PDZRN4: variants seen among roughly 807,000 people sequenced by gnomAD.
PDZRN4 encodes the protein PDZ domain containing ring finger 4.
In PDZRN4, 70 loss-of-function variants were observed where a neutral mutation model predicts 99.0. That is an observed-to-expected ratio of 0.71 (90% CI 0.58 to 0.86). The LOEUF (loss-of-function observed/expected upper bound fraction) is 0.86, where lower values mean the gene tolerates loss of function less well. Among genes scored for constraint, PDZRN4 ranks in the 40% least tolerant of loss-of-function variants. The probability of loss-of-function intolerance (pLI) is 0.00; values close to 1 mark genes in which losing one functional copy is unlikely to be tolerated. For synonymous variants in PDZRN4, 551 were observed against 501.6 expected, an observed-to-expected ratio of 1.10 and a Z score of -1.32; for missense variants, 1,474 against 1,331.2, an observed-to-expected ratio of 1.11 and a Z score of -1.67.
intron 3 of PDZRN4, among the ~76,000 whole-genome samples, chr12:41,287,770 G>T (rs1373548729): frequency 6.6e-6 from 1 of 152,140 alleles, no homozygotes; most frequent in African/African-American, 2.4e-5. Context: ...CTGCAGTTTG[G>T]ACAGAAGCCT....
chr12:41,555,052 C>A (rs986806621), intron 6 of PDZRN4, among the ~76,000 whole-genome samples: 33 of 113,510 alleles, frequency 2.9e-4, no homozygotes, highest in South Asian at 8.7e-4. Flanking sequence ...ACTAAAAATA[C>A]AAAAAAAAAA....
chr12:41,412,716 A>G (rs1952409222), intron 3 of PDZRN4, among the ~76,000 whole-genome samples: 1 of 152,204 alleles, frequency 6.6e-6, no homozygotes, highest in African/African-American at 2.4e-5. Context: ...ATTGATTTAA[A>G]TAAAAACTGC....
intron 3 of PDZRN4, among the ~76,000 whole-genome samples, chr12:41,342,711 A>T (rs1918236): frequency 0.36 from 54,569 of 151,734 alleles, 9,915 homozygotes; most frequent in South Asian, 0.41. Context: ...AAGAAAATAT[A>T]TATTGGCAAA....
intron 3 of PDZRN4, among the ~76,000 whole-genome samples, chr12:41,298,009 T>C (rs73122848): frequency 0.058 from 8,845 of 152,200 alleles, 286 homozygotes; most frequent in Non-Finnish European, 0.063. Context: ...CAAAGTAAAT[T>C]TGTAACTGTT....
At chr12:41,525,607 C>A (rs984369016) in intron 5 of PDZRN4, among the ~76,000 whole-genome samples, 2 of 151,974 alleles carry the variant, frequency 1.3e-5, no homozygotes, top group African/African-American at 4.8e-5. Context: ...TAGGTATAGA[C>A]AGATCTACGT....
chr12:41,261,672 G>A (rs1423146514), intron 3 of PDZRN4, among the ~76,000 whole-genome samples: 1 of 152,116 alleles, frequency 6.6e-6, no homozygotes, highest in Non-Finnish European at 1.5e-5. Context: ...TGTATTTTTA[G>A]TAGAGACAGG....
intron 3 of PDZRN4, among the ~76,000 whole-genome samples, chr12:41,370,894 C>A (rs74978639): frequency 6.6e-6 from 1 of 151,012 alleles, no homozygotes; most frequent in Non-Finnish European, 1.5e-5. Context: ...TTATTTTTTA[C>A]GTTATTCTGC....
intron 3 of PDZRN4, among the ~76,000 whole-genome samples, chr12:41,210,109 A>C (rs964259485): frequency 6.6e-6 from 1 of 151,920 alleles, no homozygotes. Flanking sequence ...GATGATGAGC[A>C]TTTTTTCATG....
chr12:41,524,794 T>C (rs1275081582), intron 5 of PDZRN4, among the ~76,000 whole-genome samples: 1 of 152,158 alleles, frequency 6.6e-6, no homozygotes, highest in Non-Finnish European at 1.5e-5. Context: ...TTTTGGCGAA[T>C]ACACTGTCAA....
At chr12:41,256,355 C>A (rs1454274864) in intron 3 of PDZRN4, among the ~76,000 whole-genome samples, 4 of 151,840 alleles carry the variant, frequency 2.6e-5, no homozygotes, top group African/African-American at 9.7e-5. Flanking sequence ...ATTGTTTGCT[C>A]ATTGAAAAAA....
intron 3 of PDZRN4, among the ~76,000 whole-genome samples, chr12:41,385,032 C>T (rs1333331575): frequency 6.6e-6 from 1 of 152,198 alleles, no homozygotes; most frequent in Non-Finnish European, 1.5e-5. Flanking sequence ...AACCACTTAG[C>T]ACCTACTTGA....
intron 3 of PDZRN4, among the ~76,000 whole-genome samples, chr12:41,299,696 CTAT>C (rs1951520949): frequency 7.3e-6 from 1 of 136,174 alleles, no homozygotes; most frequent in Non-Finnish European, 1.6e-5. Flanking sequence ...AATAATCCTA[CTAT>C]GTTTTTACTT....
At chr12:41,567,680 T>A in intron 8 of PDZRN4, 103 bp from the exon 9 acceptor site, 1 of 528,692 alleles carries the variant, frequency 1.9e-6, no homozygotes. Context: ...AAGAGAATCA[T>A]TATGATAAAA....
At chr12:41,256,319 G>A (rs1023505119) in intron 3 of PDZRN4, among the ~76,000 whole-genome samples, 7 of 151,982 alleles carry the variant, frequency 4.6e-5, no homozygotes, top group Non-Finnish European at 8.8e-5. Context: ...TGATGATGTT[G>A]TATAATGTAA....
intron 3 of PDZRN4, among the ~76,000 whole-genome samples, chr12:41,236,618 T>G (rs182790725): frequency 6.6e-6 from 1 of 152,236 alleles, no homozygotes; most frequent in Admixed American, 6.5e-5. Context: ...TAATGAGGAC[T>G]TGAATGGGTG....
At chr12:41,373,432 C>T (rs1952058038) in intron 3 of PDZRN4, among the ~76,000 whole-genome samples, 1 of 152,044 alleles carries the variant, frequency 6.6e-6, no homozygotes. Context: ...TTTCAGAGGC[C>T]TACCCTCAGG....
At chr12:41,553,508 G>T (rs1484434830) in intron 6 of PDZRN4, among the ~76,000 whole-genome samples, 2 of 145,630 alleles carry the variant, frequency 1.4e-5, no homozygotes, top group Non-Finnish European at 3.0e-5. Flanking sequence ...CTATGGCCAG[G>T]AGTTTGACTC....
At chr12:41,557,173 A>G (rs1328398522) in intron 7 of PDZRN4, among the ~76,000 whole-genome samples, 1 of 148,998 alleles carries the variant, frequency 6.7e-6, no homozygotes, top group African/African-American at 2.5e-5. Context: ...AAAAAAAAAA[A>G]GAATGGCTGC....
At chr12:41,325,839 A>C (rs945782111) in intron 3 of PDZRN4, among the ~76,000 whole-genome samples, 1 of 152,222 alleles carries the variant, frequency 6.6e-6, no homozygotes. Flanking sequence ...CTTAAAGTGC[A>C]TGTCTTGGAA....
Sources: gnomAD v4.1 joint callset for allele counts (sites outside exome capture counted in the v4.1 genomes callset) on GRCh38, gnomAD v4.1.1 for gene constraint, MANE v1.5 for transcripts, NCBI Gene and HGNC (gene_info 2026-07-23, HGNC 2026-07-21) for gene names.